The following CEP112 variants were observed in gnomAD, a reference collection of about 807,000 sequenced individuals.
The protein encoded by CEP112 is centrosomal protein of 112 kDa.
CEP112 carries 127 observed loss-of-function variants against 153.0 expected under a neutral mutation model. That is an observed-to-expected ratio of 0.83 (90% CI 0.72 to 0.96). CEP112 has a LOEUF of 0.96. Among genes scored for constraint, CEP112 ranks in the 40% least tolerant of loss-of-function variants. CEP112 has a pLI of 0.00. For missense variants in CEP112, 1,089 were observed against 1,101.2 expected (o/e 0.99, Z 0.16); for synonymous variants, 358 against 374.4 (o/e 0.96, Z 0.51).
chr17:65,737,426 AT>A (rs1452736275), intron 23 of CEP112, among the ~76,000 whole-genome samples: 1 of 152,116 alleles, frequency 6.6e-6, no homozygotes, highest in African/African-American at 2.4e-5. Flanking sequence ...TGGCAGCCTC[AT>A]TTTTTCCTCT....
intron 24 of CEP112, 146 bp from the exon 25 acceptor site, chr17:65,641,211 A>C (rs1403945077): frequency 1.8e-6 from 1 of 566,660 alleles, no homozygotes; most frequent in Non-Finnish European, 3.1e-6. Flanking sequence ...AAATAAGAAG[A>C]AAGAGTTAAA....
At chr17:66,070,764 C>T (rs1391498894) in intron 8 of CEP112, among the ~76,000 whole-genome samples, 1 of 152,078 alleles carries the variant, frequency 6.6e-6, no homozygotes, top group Non-Finnish European at 1.5e-5. Context: ...AGTATTTGGT[C>T]ACATGATTCC....
chr17:65,664,902 C>A (rs2046614507), intron 24 of CEP112, among the ~76,000 whole-genome samples: 1 of 152,208 alleles, frequency 6.6e-6, no homozygotes, highest in African/African-American at 2.4e-5. Flanking sequence ...AGGGTACCAG[C>A]ATGGTCTGGT....
intron 21 of CEP112, among the ~76,000 whole-genome samples, chr17:65,823,938 T>C (rs966715426): frequency 6.6e-6 from 1 of 152,166 alleles, no homozygotes; most frequent in Non-Finnish European, 1.5e-5. Context: ...TAAAATAACA[T>C]TATTAACTCC....
chr17:65,802,531 A>G (rs541372275), intron 21 of CEP112, among the ~76,000 whole-genome samples: 1 of 152,312 alleles, frequency 6.6e-6, no homozygotes, highest in South Asian at 2.1e-4. Flanking sequence ...CCACTCAGTC[A>G]CACAAACTAG....
rs143123969 is a variant in CEP112 at position 65,687,631 on chromosome 17, T to C, written c.2697+1498A>G. On this transcript the variant is annotated intron_variant, in intron 24 of 26. Coordinates refer to ENST00000535342, the MANE Select transcript of CEP112 (RefSeq NM_001199165.4). ...TGATATACATATGACACAGAGTTCA[T>C]TAGAGAGTAGGAAGGAATTATAGGA... 2.6e-3 allele frequency among the ~76,000 whole-genome samples: 398 copies of C among 152,276 alleles called. 3 individuals are homozygous for C. Among genetic ancestry groups the C allele is most frequent in the African/African-American group, 8.9e-3 (368 of 41,550 alleles).
intron 18 of CEP112, among the ~76,000 whole-genome samples, chr17:65,950,699 C>CTATTATTATTATTATTATTATTAG (rs57598697): frequency 5.9e-4 from 87 of 147,184 alleles, no homozygotes; most frequent in South Asian, 2.9e-3. Flanking sequence ...GGATACATTA[C>CTATTATTATTATTATTATTATTAG]TAGTAGTAGT....
intron 23 of CEP112, among the ~76,000 whole-genome samples, chr17:65,701,738 C>A (rs1276266288): frequency 6.6e-6 from 1 of 152,154 alleles, no homozygotes; most frequent in African/African-American, 2.4e-5. Flanking sequence ...TTTTCCCCCT[C>A]AACCAGCTTC....
chr17:65,789,654 C>T (rs1486317885), intron 21 of CEP112, among the ~76,000 whole-genome samples: 1 of 150,428 alleles, frequency 6.6e-6, no homozygotes, highest in Non-Finnish European at 1.5e-5. Flanking sequence ...TCATTCATTT[C>T]CTTGGTAGGA....
At position 65,655,203 on chromosome 17, in the gene CEP112, C is replaced by T. The variant is rs540214142; in HGVS notation, c.2698-14138G>A. 31 of 783,790 alleles carry T rather than the reference C, an allele frequency of 4.0e-5. 2 individuals are homozygous for T. Among genetic ancestry groups the T allele is most frequent in the South Asian group, 3.1e-4 (23 of 74,636 alleles). 48.6% of individuals were successfully genotyped at this position (783,790 alleles called of 1,614,324 possible). ...TATTGACAAGTGGCTGTCTCACTGG[C>T]GCTTGTTGCAACCTAAACACTTTTG... On this transcript the variant is annotated intron_variant, in intron 24 of 26. Coordinates refer to ENST00000535342, the MANE Select transcript of CEP112 (RefSeq NM_001199165.4).
At chr17:66,001,202 C>T (rs1031794525) in intron 17 of CEP112, among the ~76,000 whole-genome samples, 1 of 152,172 alleles carries the variant, frequency 6.6e-6, no homozygotes, top group East Asian at 1.9e-4. Context: ...GGCAGCAAAC[C>T]AGTGTGGTCT....
intron 6 of CEP112, among the ~76,000 whole-genome samples, chr17:66,125,752 A>G (rs2069817393): frequency 6.6e-6 from 1 of 152,078 alleles, no homozygotes; most frequent in African/African-American, 2.4e-5. Flanking sequence ...AAAGAAAAAA[A>G]AGAAGAGAAA....
chr17:65,690,425 CA>C (rs67648497), intron 23 of CEP112, among the ~76,000 whole-genome samples: 2,707 of 76,600 alleles, frequency 0.035, 12 homozygotes, highest in Non-Finnish European at 0.05. Flanking sequence ...GACCCTGTCT[CA>C]AAAAAAAAAA....
At chr17:65,708,491 G>C (rs187881394) in intron 23 of CEP112, among the ~76,000 whole-genome samples, 1 of 152,114 alleles carries the variant, frequency 6.6e-6, no homozygotes, top group African/African-American at 2.4e-5. Flanking sequence ...TTCTTTCCAC[G>C]TCTTTTTCCT....
intron 17 of CEP112, among the ~76,000 whole-genome samples, chr17:65,975,252 G>A (rs915497202): frequency 6.6e-5 from 10 of 152,052 alleles, no homozygotes; most frequent in African/African-American, 2.2e-4. Context: ...AATATATAAT[G>A]GAAGTCAGGT....
At chr17:65,932,541 G>T (rs1162261658) in intron 18 of CEP112, among the ~76,000 whole-genome samples, 1 of 152,196 alleles carries the variant, frequency 6.6e-6, no homozygotes, top group Non-Finnish European at 1.5e-5. Flanking sequence ...TAAAGGAAAA[G>T]AGGTTTAATT....
At chr17:66,063,738 T>C (rs1000077132) in intron 10 of CEP112, among the ~76,000 whole-genome samples, 5 of 152,176 alleles carry the variant, frequency 3.3e-5, no homozygotes, top group Admixed American at 6.5e-5. Context: ...GCTCTTCTCA[T>C]CTAAAAGATA....
chr17:65,992,411 A>C (rs529190898), intron 17 of CEP112, among the ~76,000 whole-genome samples: 1 of 152,312 alleles, frequency 6.6e-6, no homozygotes, highest in African/African-American at 2.4e-5. Flanking sequence ...GCAAGAAAAG[A>C]TATGTTTCCA....
At chr17:66,004,140 G>A (rs2064172939) in intron 17 of CEP112, among the ~76,000 whole-genome samples, 1 of 151,912 alleles carries the variant, frequency 6.6e-6, no homozygotes, top group Non-Finnish European at 1.5e-5. Flanking sequence ...TTATTTTAAA[G>A]AGAAAAAATG....
Sources: allele counts gnomAD v4.1 joint callset (sites outside exome capture counted in the v4.1 genomes callset), GRCh38; gene constraint gnomAD v4.1.1; transcripts MANE v1.5; gene names NCBI Gene and HGNC (gene_info 2026-07-23, HGNC 2026-07-21).